Variants in FAM193A observed in about 807,000 individuals in gnomAD.
FAM193A encodes the protein family with sequence similarity 193 member A.
FAM193A carries 22 observed loss-of-function variants against 126.5 expected under a neutral mutation model. That is an observed-to-expected ratio of 0.17 (90% CI 0.12 to 0.25). The LOEUF (loss-of-function observed/expected upper bound fraction) is 0.25. Ranked by LOEUF, FAM193A falls within the 10% of genes least tolerant of loss-of-function variation. The probability of loss-of-function intolerance (pLI) is 1.00; values close to 1 mark genes in which losing one functional copy is unlikely to be tolerated. For synonymous variants in FAM193A, 761 were observed against 646.8 expected, an observed-to-expected ratio of 1.18 and a Z score of -2.68; for missense variants, 1,675 against 1,672.8, an observed-to-expected ratio of 1.00 and a Z score of -0.02.
chr4:2,611,748 C>T (rs1326140243), intron 2 of FAM193A, among the ~76,000 whole-genome samples: 1 of 152,046 alleles, frequency 6.6e-6, no homozygotes, highest in Non-Finnish European at 1.5e-5. Context: ...AGACAGGCTT[C>T]ACAAACATTT....
chr4:2,660,095 C>T (rs369254012), intron 10 of FAM193A, 41 bp downstream of exon 10: 175 of 1,600,722 alleles, frequency 1.1e-4, no homozygotes, highest in Non-Finnish European at 1.4e-4. Flanking sequence ...AAATTTAAGT[C>T]GCCCCAGTAA....
intron 1 of FAM193A, among the ~76,000 whole-genome samples, chr4:2,560,194 C>T (rs1254213290): frequency 4.6e-5 from 7 of 152,030 alleles, no homozygotes; most frequent in African/African-American, 1.7e-4. Flanking sequence ...CCACCCGCCT[C>T]GGCCTCCCAA....
intron 1 of FAM193A, among the ~76,000 whole-genome samples, chr4:2,582,757 C>T (rs762684618): frequency 2.2e-4 from 33 of 151,758 alleles, no homozygotes; most frequent in Non-Finnish European, 3.7e-4. Flanking sequence ...TTTGTAGAGG[C>T]GGCTTGGATC....
rs1015897821 is a variant in FAM193A, at chr4:2,590,502, A to C, written c.256-5582A>C. Among the ~76,000 whole-genome samples, 277 of 83,678 alleles carry C rather than the reference A, an allele frequency of 3.3e-3. 59 individuals carry two copies. The highest frequency in any genetic ancestry group is 0.018 in the African/African-American group (243 of 13,836). 54.9% of individuals were successfully genotyped at this position (83,678 alleles called of 152,430 possible). A position where few individuals can be genotyped will look rare whatever the true frequency, so the allele number is the denominator to read the frequency against. On this transcript the variant is annotated intron_variant, in intron 1 of 20. Coordinates refer to ENST00000637812, the MANE Select transcript of FAM193A (RefSeq NM_001366318.2). ...AAAAAAAAACAAAAAAAAACAAAAA[A>C]AAACAAAAAAAAAACAAAACAAAAT...
chr4:2,659,549 T>A lies in FAM193A; in HGVS notation c.1390-9T>A, dbSNP rs1322343085. On this transcript the variant is annotated splice_polypyrimidine_tract_variant and intron_variant, in intron 8 of 20. Transcript: ENST00000637812. ...TTGCAAGATTAAAGCATTTTAAAAT[T>A]TCCTCTAGTTAACCAATAAGAAAGC... 1.9e-6 allele frequency: 3 copies of A among 1,594,562 alleles called. No individual in the cohort carries two copies. In the African/African-American group the frequency reaches 4.0e-5, roughly 21 times the overall value.
Position 2,731,897 on chromosome 4 carries a change from A to G in FAM193A, c.*29A>G, listed in dbSNP as rs374275073. The G allele has an allele frequency of 3.5e-5, 54 of 1,547,168 alleles. No homozygotes were observed. The highest frequency in any genetic ancestry group is 3.4e-4 in the Middle Eastern group (2 of 5,888). On this transcript the variant is annotated 3_prime_UTR_variant, in exon 21 of 21. Transcript: ENST00000637812. ...AGGACTCCCTGGAGAGGGACACGCG[A>G]GAGGCAGGCCAGGCTGCACCACCCC... is the stretch of plus-strand genomic sequence containing the variant.
chr4:2,705,464 CTTT>C (rs11403387), intron 19 of FAM193A, among the ~76,000 whole-genome samples: 1 of 149,690 alleles, frequency 6.7e-6, no homozygotes, highest in Non-Finnish European at 1.5e-5. Flanking sequence ...TGTGTAGTTT[CTTT>C]TTTTTTCATT....
chr4:2,619,556 TG>T (rs1176111863), intron 2 of FAM193A, among the ~76,000 whole-genome samples: 2 of 151,948 alleles, frequency 1.3e-5, no homozygotes, highest in African/African-American at 2.4e-5. Context: ...TTAGTAGAGA[TG>T]GGGTTTCCTC....
At chr4:2,680,062 T>A (rs60747167) in intron 13 of FAM193A, among the ~76,000 whole-genome samples, 1 of 151,730 alleles carries the variant, frequency 6.6e-6, no homozygotes, top group African/African-American at 2.4e-5. Flanking sequence ...GGTTTTGCCA[T>A]GTTGGCCAGG....
At chr4:2,577,715 G>C (rs1381054973) in intron 1 of FAM193A, among the ~76,000 whole-genome samples, 1 of 152,066 alleles carries the variant, frequency 6.6e-6, no homozygotes, top group Non-Finnish European at 1.5e-5. Flanking sequence ...CACCACACCT[G>C]ACCTCTGATT....
At chr4:2,665,972 G>A (rs1284337015) in intron 12 of FAM193A, among the ~76,000 whole-genome samples, 2 of 152,130 alleles carry the variant, frequency 1.3e-5, no homozygotes, top group Non-Finnish European at 2.9e-5. Flanking sequence ...TCAGCCTCCC[G>A]AGTGCTTTTA....
chr4:2,588,600 G>A (rs1292177076), intron 1 of FAM193A, among the ~76,000 whole-genome samples: 1 of 152,068 alleles, frequency 6.6e-6, no homozygotes, highest in East Asian at 1.9e-4. Flanking sequence ...GTGTGCAAAT[G>A]GCTACTTTGG....
chr4:2,642,516 G>C (rs1424351791), intron 6 of FAM193A, among the ~76,000 whole-genome samples: 3 of 152,122 alleles, frequency 2.0e-5, no homozygotes, highest in African/African-American at 7.2e-5. Flanking sequence ...GGTGAATCTG[G>C]AATGTGGAGT....
chr4:2,732,059 C>T lies in FAM193A; in HGVS notation c.*191C>T, dbSNP rs909952619. The T allele has an allele frequency of 3.7e-5, 22 of 601,262 alleles. No homozygotes were observed. Among genetic ancestry groups the T allele is most frequent in the East Asian group, 5.5e-5 (2 of 36,138 alleles). The allele number at this position is 601,262 out of a possible 1,614,324, so 37.2% of individuals were successfully genotyped here. On this transcript the variant is annotated 3_prime_UTR_variant, in exon 21 of 21. Transcript: ENST00000637812. ...TTAGCTCGTGTGCGTGTAGTCTGTG[C>T]GTGAGACTCCTTCGATTGTAGCTCT...
chr4:2,646,916 C>G, intron 7 of FAM193A, 84 bp downstream of exon 7: 1 of 1,403,466 alleles, frequency 7.1e-7, no homozygotes. Context: ...TAGCTTTGTC[C>G]TGAGCTGCAA....
chr4:2,591,262 C>T (rs1236146792), intron 1 of FAM193A, among the ~76,000 whole-genome samples: 4 of 151,886 alleles, frequency 2.6e-5, no homozygotes, highest in Non-Finnish European at 4.4e-5. Flanking sequence ...TTGGTTGGGG[C>T]GGGAGTGTGG....
chr4:2,637,818 A>G (rs1026713173), intron 5 of FAM193A, among the ~76,000 whole-genome samples: 10 of 152,226 alleles, frequency 6.6e-5, no homozygotes, highest in Non-Finnish European at 1.3e-4. Context: ...CATTGAATTC[A>G]GCGCTAAGGA....
intron 13 of FAM193A, among the ~76,000 whole-genome samples, chr4:2,681,454 A>G (rs1482560521): frequency 6.6e-6 from 1 of 151,074 alleles, no homozygotes; most frequent in African/African-American, 2.4e-5. Context: ...GTTTCATTTT[A>G]TTTGTTGTTG....
At chr4:2,561,074 G>A (rs548584535) in intron 1 of FAM193A, among the ~76,000 whole-genome samples, 3 of 152,324 alleles carry the variant, frequency 2.0e-5, no homozygotes, top group East Asian at 3.9e-4. Flanking sequence ...TACTCTCCAG[G>A]CTTTGGTGAA....
Sources: allele counts gnomAD v4.1 joint callset (sites outside exome capture counted in the v4.1 genomes callset), GRCh38; gene constraint gnomAD v4.1.1; transcripts MANE v1.5; gene names NCBI Gene and HGNC (gene_info 2026-07-23, HGNC 2026-07-21).